The following PRR16 variants were observed in gnomAD, a reference collection of about 807,000 sequenced individuals.
PRR16 encodes the protein proline rich 16, also known as protein Largen.
In PRR16, 6 loss-of-function variants were observed where a neutral mutation model predicts 18.2. That is an observed-to-expected ratio of 0.33 (90% CI 0.18 to 0.65). PRR16 has a LOEUF of 0.65. Ranked by LOEUF, PRR16 falls within the 30% of genes least tolerant of loss-of-function variation. PRR16 has a pLI of 0.74. For synonymous variants in PRR16, 151 were observed against 147.8 expected (o/e 1.02, Z -0.16); for missense variants, 412 against 376.6 (o/e 1.09, Z -0.78).
chr5:120,736,966 A>C, the PRR16 span, among the ~76,000 whole-genome samples: 4 of 151,714 alleles, frequency 2.6e-5, no homozygotes, highest in Non-Finnish European at 4.4e-5. Flanking sequence ...GTCTGTTATT[A>C]GTTCTAACAA....
intron 1 of PRR16, among the ~76,000 whole-genome samples, chr5:120,678,589 G>A (rs1441278895): frequency 1.3e-5 from 2 of 152,106 alleles, no homozygotes; most frequent in Admixed American, 1.3e-4. Flanking sequence ...AGTAATAAAA[G>A]GACAAAGCAG....
the PRR16 span, among the ~76,000 whole-genome samples, chr5:120,728,525 C>G: frequency 6.6e-6 from 1 of 152,016 alleles, no homozygotes; most frequent in Non-Finnish European, 1.5e-5. Flanking sequence ...ATACTAAATT[C>G]CCATATGGTA....
At chr5:120,698,456 G>T in the PRR16 span, among the ~76,000 whole-genome samples, 1 of 150,566 alleles carries the variant, frequency 6.6e-6, no homozygotes, top group Admixed American at 6.6e-5. Context: ...AGAGTTTAGA[G>T]TGGCGGTTTG....
chr5:120,655,646 C>G (rs1464236667), intron 1 of PRR16, among the ~76,000 whole-genome samples: 1 of 151,662 alleles, frequency 6.6e-6, no homozygotes, highest in Admixed American at 6.6e-5. Flanking sequence ...CATTAAAACA[C>G]CCTAGTATGG....
At chr5:120,774,759 A>T in the PRR16 span, among the ~76,000 whole-genome samples, 22 of 152,288 alleles carry the variant, frequency 1.4e-4, no homozygotes, top group African/African-American at 5.1e-4. Flanking sequence ...AAACCAAGGG[A>T]TCTTAATTAA....
downstream of PRR16, among the ~76,000 whole-genome samples, chr5:120,688,503 G>A (rs1158790440): frequency 6.6e-6 from 1 of 152,074 alleles, no homozygotes; most frequent in Non-Finnish European, 1.5e-5. Flanking sequence ...CCAAAATAAT[G>A]TGTTCTTAAC....
the PRR16 span, among the ~76,000 whole-genome samples, chr5:120,757,269 CT>C: frequency 6.6e-6 from 1 of 151,908 alleles, no homozygotes; most frequent in East Asian, 1.9e-4. Context: ...TGGCTTCGTT[CT>C]TTTGGTATAG....
chr5:120,487,575 C>G (rs372763619), intron 1 of PRR16, among the ~76,000 whole-genome samples: 1 of 152,074 alleles, frequency 6.6e-6, no homozygotes, highest in Non-Finnish European at 1.5e-5. Context: ...TCTAGATATA[C>G]AATCATGTCA....
the PRR16 span, among the ~76,000 whole-genome samples, chr5:120,701,471 A>T: frequency 6.6e-6 from 1 of 152,148 alleles, no homozygotes; most frequent in African/African-American, 2.4e-5. Flanking sequence ...TTGACTATGC[A>T]TTTAGCTCCA....
At chr5:120,540,084 G>A (rs1003334237) in intron 1 of PRR16, among the ~76,000 whole-genome samples, 1 of 152,014 alleles carries the variant, frequency 6.6e-6, no homozygotes, top group Non-Finnish European at 1.5e-5. Flanking sequence ...AACCTAACAG[G>A]GCTTCTTATT....
the PRR16 span, among the ~76,000 whole-genome samples, chr5:120,700,322 C>T: frequency 2.7e-4 from 41 of 151,798 alleles, no homozygotes; most frequent in African/African-American, 8.2e-4. Context: ...AAGCGTGCTG[C>T]GGGATGGGAT....
At chr5:120,544,218 G>A (rs1200251112) in intron 1 of PRR16, among the ~76,000 whole-genome samples, 1 of 152,154 alleles carries the variant, frequency 6.6e-6, no homozygotes, top group African/African-American at 2.4e-5. Context: ...TTACTCAGCT[G>A]CTAGGGACTG....
chr5:120,464,626 T>C lies in PRR16; in HGVS notation c.140T>C (p.Val47Ala), dbSNP rs1207191289. ...LELVLGDLKD[V>A]AKELKEVVDQ... ...TTAGTCCTGGGCGACCTGAAGGACG[T>C]GGCCAAGGAACTTAAGGAGGTGAGA... The change falls in exon 1 of 2, where the codon GTG (valine) becomes GCG (alanine). Residue 47 changes from valine (V) to alanine (A), a missense_variant. Physicochemically the swap from Val to Ala is moderately conservative, Grantham distance 64 (BLOSUM62 0). Coordinates refer to ENST00000407149, the MANE Select transcript of PRR16 (RefSeq NM_001300783.2). The C allele has an allele frequency of 6.4e-7, 1 of 1,569,196 alleles. No individual in the cohort carries two copies. Among genetic ancestry groups the C allele is most frequent in the Admixed American group, 1.8e-5 (1 of 55,064 alleles).
At chr5:120,584,241 G>T (rs1406683021) in intron 1 of PRR16, among the ~76,000 whole-genome samples, 1 of 152,162 alleles carries the variant, frequency 6.6e-6, no homozygotes, top group African/African-American at 2.4e-5. Flanking sequence ...TTATTGAAAA[G>T]ACTTACCTGA....
rs1228287010 is a variant in PRR16, at chr5:120,481,249, G to A, written c.159+16604G>A. On this transcript the variant is annotated intron_variant, in intron 1 of 1. Transcript: ENST00000407149. The stretch of plus-strand genomic sequence containing the variant: ...TGCAACCTCTGCCTCCCAGGTTCAA[G>A]CTATTCTCCTGCCTCAGCCTGCCTC... The A allele has an allele frequency of 2.0e-6, 1 of 499,960 alleles. No homozygotes were observed. The highest frequency in any genetic ancestry group is 7.2e-5 in the East Asian group (1 of 13,904). The allele number at this position is 499,960 out of a possible 1,614,324, so 31.0% of individuals were successfully genotyped here. A position where few individuals can be genotyped will look rare whatever the true frequency, so the allele number is the denominator to read the frequency against.
intron 1 of PRR16, chr5:120,481,058 AG>A: frequency 9.0e-7 from 1 of 1,111,194 alleles, no homozygotes; most frequent in Non-Finnish European, 1.1e-6. Flanking sequence ...AGTACATGGC[AG>A]GCAATACTTT....
intron 1 of PRR16, among the ~76,000 whole-genome samples, chr5:120,618,787 C>T (rs1423855281): frequency 1.3e-5 from 2 of 151,032 alleles, no homozygotes; most frequent in Non-Finnish European, 2.9e-5. Flanking sequence ...GAATTCACCT[C>T]GAAGCTATAC....
At chr5:120,484,347 A>G (rs1749718621) in intron 1 of PRR16, among the ~76,000 whole-genome samples, 1 of 24,970 alleles carries the variant, frequency 4.0e-5, no homozygotes, top group South Asian at 2.4e-3. Context: ...TATACTTTGT[A>G]TTACATATAA....
chr5:120,644,730 C>G (rs1218936618), intron 1 of PRR16, among the ~76,000 whole-genome samples: 6 of 152,054 alleles, frequency 3.9e-5, no homozygotes, highest in African/African-American at 1.4e-4. Flanking sequence ...ATTTGAGTTC[C>G]CTTCTTAGAA....
Sources: gnomAD v4.1 joint callset for allele counts (sites outside exome capture counted in the v4.1 genomes callset) on GRCh38, gnomAD v4.1.1 for gene constraint, MANE v1.5 for transcripts, NCBI Gene and HGNC (gene_info 2026-07-23, HGNC 2026-07-21) for gene names.